Variants in CSMD2 observed in about 807,000 individuals in gnomAD.
CSMD2 encodes the protein CUB and sushi domain-containing protein 2.
In CSMD2, 130 loss-of-function variants were observed where a neutral mutation model predicts 398.5. The observed-to-expected ratio is 0.33, with a 90% CI of 0.28 to 0.38. The LOEUF (loss-of-function observed/expected upper bound fraction) is 0.38. Among genes scored for constraint, CSMD2 ranks in the 10% least tolerant of loss-of-function variants. The pLI is 1.00. For synonymous variants in CSMD2, 1,828 were observed against 1,908.5 expected, an observed-to-expected ratio of 0.96 and a Z score of 1.10; for missense variants, 3,829 against 4,764.9, an observed-to-expected ratio of 0.80 and a Z score of 5.78.
intron 48 of CSMD2, among the ~76,000 whole-genome samples, chr1:33,578,871 T>C (rs1265117636): frequency 3.3e-5 from 5 of 152,174 alleles, no homozygotes; most frequent in Non-Finnish European, 5.9e-5. Flanking sequence ...TTGTTTTAAA[T>C]AGCTGCCTTC....
At chr1:33,652,580 T>C (rs1571097305) in intron 27 of CSMD2, 119 bp from the exon 28 acceptor site, 4 of 1,128,254 alleles carry the variant, frequency 3.5e-6, no homozygotes, top group East Asian at 2.4e-5. Flanking sequence ...AAGTTGAACC[T>C]GGCTTAGGGA....
chr1:34,024,610 G>C (rs1441019999), intron 3 of CSMD2, among the ~76,000 whole-genome samples: 1 of 152,122 alleles, frequency 6.6e-6, no homozygotes, highest in African/African-American at 2.4e-5. Flanking sequence ...TAAAATGAAT[G>C]TTCTCCAACT....
At chr1:33,848,975 G>A (rs1233601745) in intron 5 of CSMD2, among the ~76,000 whole-genome samples, 1 of 152,150 alleles carries the variant, frequency 6.6e-6, no homozygotes, top group Non-Finnish European at 1.5e-5. Context: ...GAGGTCTCAA[G>A]AGCAGGATGA....
At chr1:34,128,823 G>A (rs542081976) in intron 1 of CSMD2, among the ~76,000 whole-genome samples, 19 of 152,328 alleles carry the variant, frequency 1.2e-4, no homozygotes, top group South Asian at 2.1e-4. Context: ...AGTGACTAGG[G>A]ATGGGGGAGG....
intron 3 of CSMD2, among the ~76,000 whole-genome samples, chr1:33,953,450 G>A (rs545688715): frequency 5.3e-5 from 8 of 152,272 alleles, no homozygotes; most frequent in African/African-American, 9.6e-5. Context: ...AACTTGCAAC[G>A]TTTCCATGAT....
chr1:33,722,080 T>A (rs1646376419), intron 19 of CSMD2, among the ~76,000 whole-genome samples: 2 of 152,266 alleles, frequency 1.3e-5, no homozygotes, highest in South Asian at 4.1e-4. Flanking sequence ...GGCCATACCC[T>A]ATGTTTATTT....
chr1:33,940,699 G>T (rs950715507), intron 3 of CSMD2, among the ~76,000 whole-genome samples: 26 of 152,162 alleles, frequency 1.7e-4, no homozygotes, highest in African/African-American at 6.0e-4. Context: ...TTCTGACAGA[G>T]GCAAAGCATC....
chr1:33,788,773 G>A, intron 11 of CSMD2, 61 bp from the exon 12 acceptor site: 5 of 1,088,106 alleles, frequency 4.6e-6, no homozygotes, highest in African/African-American at 1.5e-5. Flanking sequence ...TAGAATGATT[G>A]CCTGACCGAT....
chr1:33,726,410 A>C, intron 16 of CSMD2, 137 bp downstream of exon 16: 1 of 1,027,146 alleles, frequency 9.7e-7, no homozygotes, highest in Admixed American at 2.6e-5. Flanking sequence ...CACCCAGGGC[A>C]ATTTGGTCCA....
At chr1:33,667,772 T>C (rs915354496) in intron 25 of CSMD2, among the ~76,000 whole-genome samples, 7 of 152,216 alleles carry the variant, frequency 4.6e-5, no homozygotes, top group Admixed American at 1.3e-4. Flanking sequence ...CGGGGTTCTC[T>C]GTGTGCACGA....
intron 5 of CSMD2, among the ~76,000 whole-genome samples, chr1:33,891,744 T>C (rs1642030741): frequency 6.6e-6 from 1 of 151,634 alleles, no homozygotes; most frequent in African/African-American, 2.4e-5. Context: ...TTCATGTCCT[T>C]TGTAGGGACA....
At chr1:33,999,342 G>A (rs765710933) in intron 3 of CSMD2, among the ~76,000 whole-genome samples, 1 of 152,150 alleles carries the variant, frequency 6.6e-6, no homozygotes, top group African/African-American at 2.4e-5. Flanking sequence ...TCTCAAGGTT[G>A]AGCTTGCATC....
At chr1:33,668,915 A>T (rs1428800763) in intron 25 of CSMD2, among the ~76,000 whole-genome samples, 1 of 152,212 alleles carries the variant, frequency 6.6e-6, no homozygotes, top group Non-Finnish European at 1.5e-5. Flanking sequence ...GACACCCAAA[A>T]CATAATAATA....
chr1:33,577,182 T>G, intron 49 of CSMD2, 114 bp downstream of exon 49: 3 of 983,554 alleles, frequency 3.1e-6, no homozygotes, highest in Non-Finnish European at 4.5e-6. Flanking sequence ...GTGGAAAGAA[T>G]GAAATAATTA....
chr1:33,693,776 G>A (rs533335338), intron 24 of CSMD2, among the ~76,000 whole-genome samples: 2 of 152,138 alleles, frequency 1.3e-5, no homozygotes, highest in Admixed American at 6.5e-5. Context: ...GAATCAAGGC[G>A]GCCGGGCATG....
At chr1:33,809,343 G>T (rs1327819354) in intron 10 of CSMD2, among the ~76,000 whole-genome samples, 1 of 151,932 alleles carries the variant, frequency 6.6e-6, no homozygotes, top group East Asian at 1.9e-4. Context: ...TCTTAAGAAT[G>T]CAAGGTTGGT....
intron 1 of CSMD2, among the ~76,000 whole-genome samples, chr1:34,151,904 A>T (rs1640362797): frequency 7.0e-6 from 1 of 143,378 alleles, no homozygotes; most frequent in Admixed American, 7.3e-5. Flanking sequence ...GTGTAGTGGC[A>T]CAATCATAGC....
chr1:34,102,655 A>G (rs9699696), intron 1 of CSMD2, among the ~76,000 whole-genome samples: 8,446 of 69,278 alleles, frequency 0.12, 221 homozygotes, highest in East Asian at 0.28. Context: ...CTGTAATCCA[A>G]CCATATCCCT....
At chr1:33,612,299 C>T (rs1641060364) in intron 40 of CSMD2, among the ~76,000 whole-genome samples, 2 of 152,186 alleles carry the variant, frequency 1.3e-5, no homozygotes, top group Admixed American at 1.3e-4. Context: ...CTTTTTGCAT[C>T]TGATCATTTA....
Sources: gnomAD v4.1 joint callset for allele counts (sites outside exome capture counted in the v4.1 genomes callset) on GRCh38, gnomAD v4.1.1 for gene constraint, MANE v1.5 for transcripts, NCBI Gene and HGNC (gene_info 2026-07-23, HGNC 2026-07-21) for gene names.